Variants in CLIP1 observed in about 807,000 individuals in gnomAD.
CLIP1 encodes CAP-Gly domain-containing linker protein 1.
A neutral mutation model predicts 161.6 loss-of-function variants in CLIP1; 66 were observed. The ratio of observed to expected loss-of-function variants is 0.41; its 90% CI spans 0.33 to 0.50. The LOEUF is 0.50. Ranked by LOEUF, CLIP1 falls within the 20% of genes least tolerant of loss-of-function variation. CLIP1 has a pLI of 0.27. For missense variants in CLIP1, 1,376 were observed against 1,702.0 expected, an observed-to-expected ratio of 0.81 and a Z score of 3.37; for synonymous variants, 598 against 626.2, an observed-to-expected ratio of 0.96 and a Z score of 0.67.
At chr12:122,373,778 A>G (rs1954576025) in intron 3 of CLIP1, among the ~76,000 whole-genome samples, 1 of 152,202 alleles carries the variant, frequency 6.6e-6, no homozygotes. Flanking sequence ...ATTTGCTTCC[A>G]TACAAGTGCC....
chr12:122,286,895 G>T (rs567786853), intron 21 of CLIP1, among the ~76,000 whole-genome samples: 1 of 152,156 alleles, frequency 6.6e-6, no homozygotes, highest in Non-Finnish European at 1.5e-5. Context: ...CTACTCAGGA[G>T]GGGGAGGCAG....
At chr12:122,407,775 A>G (rs78023927) in intron 1 of CLIP1, among the ~76,000 whole-genome samples, 12,376 of 142,998 alleles carry the variant, frequency 0.087, 1,027 homozygotes, top group East Asian at 0.43. Flanking sequence ...AAAAAAAAAG[A>G]ATTGATTTCC....
At chr12:122,407,748 C>CAAAA (rs35500806) in intron 1 of CLIP1, among the ~76,000 whole-genome samples, 872 of 38,124 alleles carry the variant, frequency 0.023, 123 homozygotes, top group Middle Eastern at 0.031. Flanking sequence ...GACCCTGTCT[C>CAAAA]AAAAAAAAAA....
intron 20 of CLIP1, among the ~76,000 whole-genome samples, chr12:122,306,504 C>T (rs188316719): frequency 1.3e-5 from 2 of 152,316 alleles, no homozygotes; most frequent in East Asian, 3.9e-4. Flanking sequence ...TACTTTCTCA[C>T]TGTCTGTGGG....
rs770220825 is a variant in CLIP1, at chr12:122,361,066, T to A, written c.898A>T (p.Met300Leu). 2.5e-6 allele frequency: 4 copies of A among 1,614,256 alleles called. No homozygotes were observed. Among genetic ancestry groups the A allele is most frequent in the East Asian group, 4.5e-5 (2 of 44,890 alleles). Residue 300 changes from methionine to leucine, a missense_variant, in exon 5 of 26, where the codon ATG becomes TTG. Met to Leu is a conservative substitution (Grantham distance 15). Around this residue, in one of 6 missense-constraint regions of CLIP1, gnomAD observed 211 missense variants for 295.1 expected, o/e 0.72. Coordinates refer to ENST00000620786, the MANE Select transcript of CLIP1 (RefSeq NM_001247997.2). ...KAKANAVRRV[M>L]ATTSASLKRS... ...TTCAGGCTGGCGGACGTGGTCGCCA[T>A]CACTCGCCTCACTGCGTTGGCCTTG...
intron 1 of CLIP1, chr12:122,399,777 T>A (rs1303948312): frequency 6.6e-6 from 1 of 152,112 alleles, no homozygotes; most frequent in Non-Finnish European, 1.5e-5. Flanking sequence ...GTGAAGTGAC[T>A]TACCTGTGCA....
chr12:122,319,227 A>T lies in CLIP1; in HGVS notation c.3366+5T>A. 3 of 1,573,844 alleles carry T rather than the reference A, an allele frequency of 1.9e-6. No homozygotes were observed. The highest frequency in any genetic ancestry group is 2.6e-6 in the Non-Finnish European group (3 of 1,143,640). On this transcript the variant is annotated splice_donor_5th_base_variant and intron_variant, in intron 18 of 25. Transcript: ENST00000620786. Reference sequence around the variant, plus strand: ...TTGTATAAAAAGCTATTTAAATCTGATTACTTCATTCTGTAGTTTTGCATT... The same window carrying T: ...TTGTATAAAAAGCTATTTAAATCTGTTTACTTCATTCTGTAGTTTTGCATT...
At chr12:122,398,261 CA>C (rs11324468) in intron 1 of CLIP1, among the ~76,000 whole-genome samples, 46,319 of 103,298 alleles carry the variant, frequency 0.45, 7,929 homozygotes, top group East Asian at 0.63. Flanking sequence ...ACTGAAAATA[CA>C]AAAAAAAAAA....
chr12:122,327,835 G>A (rs1250600944), intron 17 of CLIP1, 112 bp downstream of exon 17: 17 of 912,172 alleles, frequency 1.9e-5, no homozygotes, highest in Non-Finnish European at 2.6e-5. Context: ...GGTAACGTCT[G>A]TAGAGGCCAC....
Position 122,354,497 on chromosome 12 carries a change from G to A in CLIP1, c.1263C>T (p.Asp421=), listed in dbSNP as rs774277093. 1 of 1,613,878 alleles carries A rather than the reference G, an allele frequency of 6.2e-7. No individual in the cohort carries two copies. Among genetic ancestry groups the A allele is most frequent in the South Asian group, 1.1e-5 (1 of 91,074 alleles). ...DQLRTMVEAA[D]REKVELLNQL... The stretch of plus-strand genomic sequence containing the variant: ...GGTTGAGAAGCTCCACCTTCTCCCT[G>A]TCAGCAGCTTCCACCATTGTTCGCA... The change falls in exon 7 of 26, where the codon GAC becomes GAT. Residue 421 remains aspartate, a synonymous_variant. Coordinates refer to ENST00000620786, the MANE Select transcript of CLIP1 (RefSeq NM_001247997.2).
intron 1 of CLIP1, among the ~76,000 whole-genome samples, chr12:122,409,352 C>T (rs1956443698): frequency 1.3e-5 from 2 of 151,840 alleles, no homozygotes; most frequent in African/African-American, 4.8e-5. Flanking sequence ...TCTCAAACTC[C>T]TGGCCTCAAG....
At chr12:122,294,187 G>A (rs1390599566) in intron 20 of CLIP1, among the ~76,000 whole-genome samples, 5 of 151,194 alleles carry the variant, frequency 3.3e-5, no homozygotes, top group African/African-American at 1.2e-4. Flanking sequence ...AAATTAGCCG[G>A]GTGTGGTGGT....
intron 3 of CLIP1, among the ~76,000 whole-genome samples, chr12:122,368,319 T>C (rs1954267844): frequency 6.6e-6 from 1 of 152,188 alleles, no homozygotes; most frequent in Admixed American, 6.5e-5. Context: ...AAGTGTTAAG[T>C]ACATCAAGAG....
At chr12:122,274,371 T>G in intron 24 of CLIP1, 1 of 485,220 alleles carries the variant, frequency 2.1e-6, no homozygotes. Context: ...AATGAGGCCA[T>G]GTCTAGGTGG....
intron 1 of CLIP1, among the ~76,000 whole-genome samples, chr12:122,388,894 A>T (rs949298990): frequency 1.3e-5 from 2 of 152,132 alleles, no homozygotes; most frequent in African/African-American, 2.4e-5. Flanking sequence ...AAGTTTGAGA[A>T]CCACTGCTAA....
intron 20 of CLIP1, among the ~76,000 whole-genome samples, chr12:122,295,693 A>G (rs1024472135): frequency 6.6e-6 from 1 of 152,166 alleles, no homozygotes; most frequent in African/African-American, 2.4e-5. Context: ...TCTACCCATC[A>G]CTGAAATGGG....
chr12:122,409,134 CT>C (rs1055516587), intron 1 of CLIP1, among the ~76,000 whole-genome samples: 1 of 148,494 alleles, frequency 6.7e-6, no homozygotes, highest in African/African-American at 2.5e-5. Context: ...TTTTCTTTTT[CT>C]TTTTTTTTGA....
At chr12:122,367,976 TCAAAAA>T (rs1438460809) in intron 3 of CLIP1, among the ~76,000 whole-genome samples, 3 of 152,218 alleles carry the variant, frequency 2.0e-5, no homozygotes, top group African/African-American at 7.2e-5. Flanking sequence ...AGACCCTGTC[TCAAAAA>T]CAAACAAAAA....
At chr12:122,299,452 C>T (rs953588890) in intron 20 of CLIP1, among the ~76,000 whole-genome samples, 17 of 151,880 alleles carry the variant, frequency 1.1e-4, no homozygotes, top group African/African-American at 4.1e-4. Flanking sequence ...TGCTTGAATG[C>T]ACGTGATTGC....
Sources: allele counts gnomAD v4.1 joint callset (sites outside exome capture counted in the v4.1 genomes callset), GRCh38; gene constraint gnomAD v4.1.1; regional missense constraint gnomAD v4.1.1; transcripts MANE v1.5; gene names NCBI Gene and HGNC (gene_info 2026-07-23, HGNC 2026-07-21).